Variants in E2F6 observed in about 807,000 individuals in gnomAD.
The protein encoded by E2F6 is E2F transcription factor 6.
Under a neutral mutation model 31.5 loss-of-function variants are expected in E2F6, and 19 were observed. That is an observed-to-expected ratio of 0.60 (90% CI 0.42 to 0.89). E2F6 has a LOEUF of 0.89. E2F6 is among the 40% of genes least tolerant of loss of function. The pLI is 0.00. For synonymous variants in E2F6, 121 were observed against 127.7 expected, an observed-to-expected ratio of 0.95 and a Z score of 0.36; for missense variants, 269 against 341.6, an observed-to-expected ratio of 0.79 and a Z score of 1.67.
At chr2:11,449,669 T>G (rs1157562676) in intron 5 of E2F6, among the ~76,000 whole-genome samples, 1 of 152,208 alleles carries the variant, frequency 6.6e-6, no homozygotes, top group African/African-American at 2.4e-5. Context: ...GACCTTACTT[T>G]TGCAACTTTA....
Position 11,446,367 on chromosome 2 carries a change from A to G in E2F6, c.*110T>C. ...TACTGGCCATGATGCCGCTACTGAG[A>G]ACGAGAGCACTTCATGGATAATTTA... On this transcript the variant is annotated 3_prime_UTR_variant, in exon 7 of 7. Transcript: ENST00000381525. The G allele has an allele frequency of 1.3e-6, 1 of 778,178 alleles. No homozygotes were observed. The highest frequency in any genetic ancestry group is 1.7e-5 in the South Asian group (1 of 60,012). The allele number at this position is 778,178 out of a possible 1,614,324, so 48.2% of individuals were successfully genotyped here.
chr2:11,465,626 C>G (rs1318766128), intron 1 of E2F6, 146 bp downstream of exon 1: 2 of 737,020 alleles, frequency 2.7e-6, no homozygotes, highest in East Asian at 2.8e-5. Context: ...GGCGGGAGAG[C>G]GCAGTTCGCA....
chr2:11,455,745 A>T (rs1671364630), intron 2 of E2F6, among the ~76,000 whole-genome samples: 1 of 152,218 alleles, frequency 6.6e-6, no homozygotes, highest in African/African-American at 2.4e-5. Context: ...AGAGGTCTTC[A>T]CACCAAAGCA....
intron 1 of E2F6, among the ~76,000 whole-genome samples, chr2:11,464,463 A>G (rs1489588703): frequency 2.0e-5 from 3 of 146,460 alleles, no homozygotes; most frequent in Non-Finnish European, 3.0e-5. Flanking sequence ...CTTGCAGTGA[A>G]CCGAGATCAG....
chr2:11,463,234 C>A (rs751121852), intron 1 of E2F6, among the ~76,000 whole-genome samples: 52 of 152,142 alleles, frequency 3.4e-4, no homozygotes, highest in African/African-American at 8.0e-4. Flanking sequence ...CCGCTGCCAC[C>A]CCTTAGAGAG....
rs1445805655 is a variant in E2F6, at chr2:11,451,543, C to T, written c.536+108G>A. 3.4e-6 allele frequency: 4 copies of T among 1,163,250 alleles called. No homozygotes were observed. The African/African-American group carries it at 6.4e-5, about 19-fold the overall frequency. 72.1% of individuals were successfully genotyped at this position (1,163,250 alleles called of 1,614,324 possible). On this transcript the variant is annotated intron_variant, in intron 4 of 6. Coordinates refer to ENST00000381525, the MANE Select transcript of E2F6 (RefSeq NM_198256.4). ...AATTTTGTATTTAACTTTCAATGGTCTAATTTTATATCTTAAATATATAAA... is the reference window on the plus strand; with the variant it reads ...AATTTTGTATTTAACTTTCAATGGTTTAATTTTATATCTTAAATATATAAA...
chr2:11,447,715 T>A lies in E2F6; in HGVS notation c.711A>T (p.Glu237Asp). ...TGTTACTGGTCTGACCCTGCTCCAC[T>A]TCACACAAATAGACATCGATAGGTC... is the stretch of plus-strand genomic sequence containing the variant. ...TNGPIDVYLCEVEQGQTSNKR... is the reference protein window; with the variant it reads ...TNGPIDVYLCDVEQGQTSNKR... Residue 237 changes from glutamate (E) to aspartate (D), a missense_variant, in exon 6 of 7, where the codon GAA becomes GAT. Transcript: ENST00000381525. The A allele has an allele frequency of 6.2e-7, 1 of 1,612,224 alleles. No homozygotes were observed. The highest frequency in any genetic ancestry group is 2.2e-5 in the East Asian group (1 of 44,882).
chr2:11,449,019 G>T (rs1399874694), intron 5 of E2F6, among the ~76,000 whole-genome samples: 1 of 152,210 alleles, frequency 6.6e-6, no homozygotes, highest in African/African-American at 2.4e-5. Flanking sequence ...AGAAGCCTCA[G>T]GTATGATCAA....
intron 1 of E2F6, among the ~76,000 whole-genome samples, chr2:11,461,703 G>A (rs1671793724): frequency 6.6e-6 from 1 of 152,190 alleles, no homozygotes; most frequent in Non-Finnish European, 1.5e-5. Flanking sequence ...GAAGGCTTGT[G>A]TTTGATTTTC....
At chr2:11,464,743 G>C (rs1046961393) in intron 1 of E2F6, among the ~76,000 whole-genome samples, 1 of 152,096 alleles carries the variant, frequency 6.6e-6, no homozygotes, top group South Asian at 2.1e-4. Flanking sequence ...GCATCTCCAA[G>C]TCTGTTTTGG....
chr2:11,457,278 C>G (rs1284493467), intron 1 of E2F6, 45 bp from the exon 2 acceptor site: 2 of 1,174,048 alleles, frequency 1.7e-6, no homozygotes, highest in Non-Finnish European at 2.5e-6. Flanking sequence ...TTTAAAACAA[C>G]AATGCAAACA....
In E2F6 at chr2:11,466,071, C is replaced by T. The variant is rs989919464; in HGVS notation, c.-192G>A. The T allele has an allele frequency of 3.1e-5, 16 of 523,936 alleles. 1 individual carries two copies. In the African/African-American group the frequency reaches 3.3e-4, roughly 11 times the overall value. The allele number at this position is 523,936 out of a possible 1,614,324, so 32.5% of individuals were successfully genotyped here. On this transcript the variant is annotated 5_prime_UTR_variant, in exon 1 of 7. Transcript: ENST00000381525. The stretch of plus-strand genomic sequence containing the variant: ...TAAACGCGGCACGGCCTCACGTGCC[C>T]GGGAGCTCCCGACGCAGACGGAAAA...
intron 3 of E2F6, 106 bp from the exon 4 acceptor site, chr2:11,451,912 CACA>C: frequency 3.6e-6 from 4 of 1,106,098 alleles, no homozygotes; most frequent in East Asian, 5.2e-5. Context: ...AAGTGTTTTC[CACA>C]ACAATAGAAA....
chr2:11,445,558 G>T lies in E2F6; in HGVS notation c.*919C>A, dbSNP rs1670664994. 1 of 152,074 alleles carries T rather than the reference G, an allele frequency of 6.6e-6. No homozygotes were observed. The highest frequency in any genetic ancestry group is 1.5e-5 in the Non-Finnish European group (1 of 68,006). 9.4% of individuals were successfully genotyped at this position (152,074 alleles called of 1,614,324 possible). On this transcript the variant is annotated 3_prime_UTR_variant, in exon 7 of 7. Coordinates refer to ENST00000381525, the MANE Select transcript of E2F6 (RefSeq NM_198256.4). ...CCCCTTGGACTGACTCAACAGCAAG[G>T]CTGCATACACAAACATTACAAAATC...
intron 5 of E2F6, among the ~76,000 whole-genome samples, chr2:11,449,788 G>A (rs1212964108): frequency 6.6e-6 from 1 of 152,174 alleles, no homozygotes; most frequent in Non-Finnish European, 1.5e-5. Context: ...TCCTGAAAAA[G>A]TTAACTCATC....
At chr2:11,461,261 A>C (rs1156416194) in intron 1 of E2F6, among the ~76,000 whole-genome samples, 1 of 151,800 alleles carries the variant, frequency 6.6e-6, no homozygotes, top group African/African-American at 2.4e-5. Context: ...GATCCCATCC[A>C]AACTTGCAGG....
chr2:11,452,638 G>GTTA (rs1047496511), intron 3 of E2F6, among the ~76,000 whole-genome samples: 2 of 151,450 alleles, frequency 1.3e-5, no homozygotes, highest in African/African-American at 4.8e-5. Flanking sequence ...ATTTTCTTTA[G>GTTA]TTATTAGTGC....
At chr2:11,451,584 G>A in intron 4 of E2F6, 67 bp downstream of exon 4, 1 of 1,437,348 alleles carries the variant, frequency 7.0e-7, no homozygotes, top group Non-Finnish European at 9.3e-7. Context: ...TCCCCAAGCT[G>A]ACTCTACTAC....
intron 1 of E2F6, 78 bp from the exon 2 acceptor site, chr2:11,457,311 T>A (rs1334010531): frequency 1.1e-6 from 1 of 909,242 alleles, no homozygotes; most frequent in East Asian, 2.6e-5. Context: ...CTCAATAGTA[T>A]AAAGGTCTGG....
Sources: gnomAD v4.1 joint callset for allele counts (sites outside exome capture counted in the v4.1 genomes callset) on GRCh38, gnomAD v4.1.1 for gene constraint, MANE v1.5 for transcripts, NCBI Gene and HGNC (gene_info 2026-07-23, HGNC 2026-07-21) for gene names.